The following XXYLT1 variants were observed in gnomAD, a reference collection of about 807,000 sequenced individuals.
XXYLT1 encodes the protein UDP-xylose:alpha-xyloside alpha-1,3-xylosyltransferase.
XXYLT1 carries 20 observed loss-of-function variants against 28.9 expected under a neutral mutation model. That is an observed-to-expected ratio of 0.69 (90% confidence interval 0.49 to 1.00). The LOEUF is 1.00. XXYLT1 is among the 50% of genes least tolerant of loss of function. The pLI, the probability that XXYLT1 is intolerant of heterozygous loss-of-function variation, is 0.00. For missense variants in XXYLT1, 542 were observed against 560.1 expected (o/e 0.97, Z 0.33); for synonymous variants, 257 against 253.8 (o/e 1.01, Z -0.12).
At chr3:195,263,952 G>A (rs867154247) in intron 1 of XXYLT1, among the ~76,000 whole-genome samples, 1 of 152,214 alleles carries the variant, frequency 6.6e-6, no homozygotes, top group Non-Finnish European at 1.5e-5. Context: ...CTTCTTCATT[G>A]TTCTGTGCTT....
chr3:195,121,746 C>A (rs779014873), intron 3 of XXYLT1, among the ~76,000 whole-genome samples: 1 of 152,158 alleles, frequency 6.6e-6, no homozygotes, highest in East Asian at 1.9e-4. Context: ...CTCGCCAGGT[C>A]GGGGACTCAG....
At chr3:195,095,034 C>T (rs572703719) in intron 3 of XXYLT1, among the ~76,000 whole-genome samples, 3 of 152,298 alleles carry the variant, frequency 2.0e-5, no homozygotes, top group Admixed American at 6.5e-5. Context: ...ACTGGGATTC[C>T]GCATCGCTGA....
chr3:195,153,130 C>T (rs1030029563), intron 3 of XXYLT1, among the ~76,000 whole-genome samples: 3 of 152,246 alleles, frequency 2.0e-5, no homozygotes, highest in Non-Finnish European at 1.5e-5. Context: ...TTCCTCTCTC[C>T]CCTTCCATTC....
rs567218389 is a variant in XXYLT1 at position 195,147,320 on chromosome 3, A to G, written c.785+9129T>C. ...CATGGTGACTCACACCTGTAATCCC[A>G]GCACTTTGGGAAGCCCAGGCAGGTG... On this transcript the variant is annotated intron_variant, in intron 3 of 3. Coordinates refer to ENST00000310380, the MANE Select transcript of XXYLT1 (RefSeq NM_152531.5). 1.6e-4 allele frequency among the ~76,000 whole-genome samples: 24 copies of G among 152,332 alleles called. No individual in the cohort carries two copies. The South Asian group carries it at 2.7e-3, about 17-fold the overall frequency.
intron 1 of XXYLT1, among the ~76,000 whole-genome samples, chr3:195,247,561 C>T (rs1021591283): frequency 6.6e-6 from 1 of 152,224 alleles, no homozygotes; most frequent in African/African-American, 2.4e-5. Context: ...GCCCCAGTTC[C>T]GAATGGCCCC....
At chr3:195,250,490 G>A (rs1725207704) in intron 1 of XXYLT1, among the ~76,000 whole-genome samples, 1 of 151,854 alleles carries the variant, frequency 6.6e-6, no homozygotes, top group African/African-American at 2.4e-5. Context: ...CTTGAACCCA[G>A]GAGGCAGAGG....
At chr3:195,158,709 C>T (rs1190277148) in intron 2 of XXYLT1, among the ~76,000 whole-genome samples, 1 of 152,264 alleles carries the variant, frequency 6.6e-6, no homozygotes, top group Non-Finnish European at 1.5e-5. Flanking sequence ...CCTTTCTATT[C>T]CCGGAGGCCA....
In XXYLT1 at chr3:195,256,979, T is replaced by A. The variant is rs955270153; in HGVS notation, c.504+13576A>T. 1.3e-5 allele frequency among the ~76,000 whole-genome samples: 2 copies of A among 152,130 alleles called. No homozygotes were observed. The highest frequency in any genetic ancestry group is 2.9e-5 in the Non-Finnish European group (2 of 68,008). On this transcript the variant is annotated intron_variant, in intron 1 of 3. Transcript: ENST00000310380. This position sits in a 1 kb window ranked among gnomAD's most constrained non-coding sequence, Gnocchi z 4.2. ...GGCCAGCATCAGCATTTCTTCATGG[T>A]AATGCAAGGGGGACAGTTCCAAAAC... is the stretch of plus-strand genomic sequence containing the variant.
intron 2 of XXYLT1, among the ~76,000 whole-genome samples, chr3:195,224,879 A>G (rs891208756): frequency 1.3e-5 from 2 of 152,232 alleles, no homozygotes; most frequent in Non-Finnish European, 2.9e-5. Flanking sequence ...CCCTAGGCAC[A>G]TACGTGGCTA....
At chr3:195,103,147 G>A (rs78456494) in intron 3 of XXYLT1, among the ~76,000 whole-genome samples, 1 of 152,342 alleles carries the variant, frequency 6.6e-6, no homozygotes, top group African/African-American at 2.4e-5. Flanking sequence ...AGTGCTGTGG[G>A]GGGCAGATAA....
At chr3:195,088,298 G>A (rs1364554917) in intron 3 of XXYLT1, among the ~76,000 whole-genome samples, 1 of 150,220 alleles carries the variant, frequency 6.7e-6, no homozygotes, top group Admixed American at 6.7e-5. Context: ...TGACAGCTTT[G>A]AAGAGAGCAG....
At chr3:195,226,683 C>T (rs770222203) in intron 2 of XXYLT1, 26 bp downstream of exon 2, 4 of 1,608,116 alleles carry the variant, frequency 2.5e-6, no homozygotes, top group African/African-American at 2.7e-5. Flanking sequence ...CACCCAGGGG[C>T]TATTGCTCCT....
chr3:195,250,927 G>A (rs1046776390), intron 1 of XXYLT1, among the ~76,000 whole-genome samples: 7 of 152,292 alleles, frequency 4.6e-5, no homozygotes, highest in South Asian at 4.1e-4. Flanking sequence ...AATACTGGAC[G>A]GGGTTACATG....
intron 1 of XXYLT1, among the ~76,000 whole-genome samples, chr3:195,263,009 T>C (rs1363682559): frequency 6.6e-6 from 1 of 151,966 alleles, no homozygotes; most frequent in East Asian, 1.9e-4. Context: ...TTCATTCAGG[T>C]GCAAGGTGCC....
intron 2 of XXYLT1, among the ~76,000 whole-genome samples, chr3:195,204,267 C>A (rs1019200108): frequency 4.0e-5 from 6 of 151,598 alleles, no homozygotes; most frequent in Admixed American, 3.9e-4. Context: ...CGCTTGAACC[C>A]AGGAGGCAGA....
intron 2 of XXYLT1, among the ~76,000 whole-genome samples, chr3:195,201,695 G>T (rs997029005): frequency 1.3e-5 from 2 of 152,146 alleles, no homozygotes; most frequent in African/African-American, 4.8e-5. Context: ...TCCCAGCTGG[G>T]CAGATGTACA....
intron 3 of XXYLT1, among the ~76,000 whole-genome samples, chr3:195,134,826 GGTGTGTGTGTGTGTGTGT>G (rs3073321): frequency 4.4e-4 from 64 of 145,582 alleles, no homozygotes; most frequent in Middle Eastern, 3.5e-3. Context: ...CGTGAAGAGG[GGTGTGTGTGTGTGTGTGT>G]GTGTGTGTGT....
intron 1 of XXYLT1, among the ~76,000 whole-genome samples, chr3:195,244,096 G>A (rs1282322581): frequency 6.6e-6 from 1 of 152,162 alleles, no homozygotes; most frequent in Non-Finnish European, 1.5e-5. Flanking sequence ...CTAGTTTCTA[G>A]GTAACCAGAC....
Position 195,101,661 on chromosome 3 carries a change from T to C in XXYLT1, c.786-31550A>G, listed in dbSNP as rs147755643. Among the ~76,000 whole-genome samples the C allele has an allele frequency of 9.6e-3, 1,458 of 151,758 alleles. 20 individuals carry two copies. Among genetic ancestry groups the C allele is most frequent in the African/African-American group, 0.032 (1,329 of 41,306 alleles). ...AGATGAAATATATGAAATTGGGATA[T>C]AGCAAAAAATACATCTGAGCCGGGT... is the stretch of plus-strand genomic sequence containing the variant. On this transcript the variant is annotated intron_variant, in intron 3 of 3. Transcript: ENST00000310380.
Sources: gnomAD v4.1 joint callset for allele counts (sites outside exome capture counted in the v4.1 genomes callset) on GRCh38, gnomAD v4.1.1 for gene constraint, Gnocchi (gnomAD v3.1) non-coding constraint, MANE v1.5 for transcripts, NCBI Gene and HGNC (gene_info 2026-07-23, HGNC 2026-07-21) for gene names.